The following NCAM2 variants were observed in gnomAD, a reference collection of about 807,000 sequenced individuals.
NCAM2 encodes neural cell adhesion molecule 2.
NCAM2 carries 30 observed loss-of-function variants against 98.1 expected under a neutral mutation model. That is an observed-to-expected ratio of 0.31 (90% confidence interval 0.23 to 0.41). NCAM2 has a LOEUF of 0.41. Among genes scored for constraint, NCAM2 ranks in the 10% least tolerant of loss-of-function variants. The pLI is 1.00. For missense variants in NCAM2, 867 were observed against 1,005.8 expected (o/e 0.86, Z 1.87); for synonymous variants, 368 against 342.4 (o/e 1.07, Z -0.83).
At chr21:21,441,879 G>C (rs1159337503) in intron 12 of NCAM2, among the ~76,000 whole-genome samples, 1 of 152,144 alleles carries the variant, frequency 6.6e-6, no homozygotes, top group Non-Finnish European at 1.5e-5. Flanking sequence ...GATGAAATCA[G>C]AAAGATACGA....
At chr21:21,453,801 C>G (rs977478280) in intron 12 of NCAM2, among the ~76,000 whole-genome samples, 1 of 152,000 alleles carries the variant, frequency 6.6e-6, no homozygotes, top group Non-Finnish European at 1.5e-5. Context: ...TACTAGTTCT[C>G]AAAATATTGA....
intron 12 of NCAM2, among the ~76,000 whole-genome samples, chr21:21,435,745 T>C (rs2146049437): frequency 6.6e-6 from 1 of 152,318 alleles, no homozygotes; most frequent in Middle Eastern, 3.4e-3. Context: ...TACTATTCTT[T>C]CTACTTGAGA....
intron 1 of NCAM2, among the ~76,000 whole-genome samples, chr21:21,186,917 T>A (rs2068658352): frequency 6.6e-6 from 1 of 152,086 alleles, no homozygotes; most frequent in Non-Finnish European, 1.5e-5. Flanking sequence ...GGAAACAAAG[T>A]GGGTAGGTAT....
At chr21:21,381,449 G>A (rs2076152486) in intron 9 of NCAM2, among the ~76,000 whole-genome samples, 2 of 151,316 alleles carry the variant, frequency 1.3e-5, no homozygotes, top group South Asian at 2.1e-4. Flanking sequence ...TGAGTTATTC[G>A]AAGTTTTAGT....
At chr21:21,413,198 G>A (rs930153278) in intron 10 of NCAM2, among the ~76,000 whole-genome samples, 1 of 152,016 alleles carries the variant, frequency 6.6e-6, no homozygotes, top group Non-Finnish European at 1.5e-5. Context: ...CAATATGTGG[G>A]CAAACATTGA....
intron 16 of NCAM2, among the ~76,000 whole-genome samples, chr21:21,520,058 G>T (rs556421227): frequency 2.6e-5 from 4 of 151,810 alleles, no homozygotes; most frequent in African/African-American, 9.7e-5. Flanking sequence ...ATTCTCAAGG[G>T]TTTTTCTTAT....
rs563645159 is a variant in NCAM2, at chr21:21,449,942, C to T, written c.1655-16664C>T. ...TTTCTTATTTTTAGCATCTTGTATT[C>T]GTTCTTTTTCTGTGTATCAGTGTCT... On this transcript the variant is annotated intron_variant, in intron 12 of 17. Transcript: ENST00000400546. Among the ~76,000 whole-genome samples, 10 of 152,030 alleles carry T rather than the reference C, an allele frequency of 6.6e-5. No homozygotes were observed. In the South Asian group the frequency reaches 1.9e-3, roughly 28 times the overall value.
At chr21:21,397,963 G>A (rs749284827) in intron 9 of NCAM2, among the ~76,000 whole-genome samples, 12 of 152,208 alleles carry the variant, frequency 7.9e-5, no homozygotes, top group Non-Finnish European at 1.5e-4. Context: ...ATAAACACTT[G>A]CACATGCATG....
At chr21:21,529,452 A>G (rs1989504411) in intron 16 of NCAM2, among the ~76,000 whole-genome samples, 1 of 152,138 alleles carries the variant, frequency 6.6e-6, no homozygotes, top group African/African-American at 2.4e-5. Flanking sequence ...TCTACATAGT[A>G]GAGTTAAACT....
rs189388242 is a variant in NCAM2, at chr21:21,455,524, T to A, written c.1655-11082T>A. ...TTCATAGAAATGTTTATTCATAGAA[T>A]TACTGTCCTAATAATTTAACTTCTC... On this transcript the variant is annotated intron_variant, in intron 12 of 17. Transcript: ENST00000400546. Among the ~76,000 whole-genome samples the A allele has an allele frequency of 1.5e-3, 222 of 152,030 alleles. 4 individuals carry two copies. The highest frequency in any genetic ancestry group is 0.011 in the Admixed American group (170 of 15,250).
At chr21:21,251,118 T>C (rs1168576186) in intron 1 of NCAM2, among the ~76,000 whole-genome samples, 1 of 152,206 alleles carries the variant, frequency 6.6e-6, no homozygotes, top group Admixed American at 6.5e-5. Flanking sequence ...TAGAGAAAGC[T>C]AAGTGCTCTT....
intron 16 of NCAM2, among the ~76,000 whole-genome samples, chr21:21,510,519 C>T (rs1417628714): frequency 3.3e-5 from 5 of 151,982 alleles, no homozygotes; most frequent in Non-Finnish European, 7.4e-5. Context: ...AGGACTGATG[C>T]TTTTTTATTG....
chr21:21,448,682 C>G (rs1247913773), intron 12 of NCAM2, among the ~76,000 whole-genome samples: 1 of 151,848 alleles, frequency 6.6e-6, no homozygotes, highest in Non-Finnish European at 1.5e-5. Flanking sequence ...AGAAAAAAGA[C>G]TATCATTTCT....
chr21:21,094,792 C>G (rs770301767), intron 1 of NCAM2, among the ~76,000 whole-genome samples: 35 of 151,592 alleles, frequency 2.3e-4, no homozygotes, highest in Middle Eastern at 3.2e-3. Flanking sequence ...AGACTTAATA[C>G]TCAAAAGGTA....
At chr21:21,095,669 A>G (rs1365424973) in intron 1 of NCAM2, among the ~76,000 whole-genome samples, 2 of 151,596 alleles carry the variant, frequency 1.3e-5, no homozygotes, top group Non-Finnish European at 3.0e-5. Flanking sequence ...AATACCTCAG[A>G]AAAAATAACT....
intron 2 of NCAM2, among the ~76,000 whole-genome samples, chr21:21,282,324 T>C (rs1218464305): frequency 1.3e-5 from 2 of 151,954 alleles, no homozygotes; most frequent in Admixed American, 6.6e-5. Flanking sequence ...CTGTATGTAT[T>C]GCATAGCTCA....
chr21:21,062,530 C>G (rs1470177086), intron 1 of NCAM2, among the ~76,000 whole-genome samples: 1 of 152,126 alleles, frequency 6.6e-6, no homozygotes, highest in Admixed American at 6.5e-5. Context: ...GGAAGCTTGC[C>G]CTTTAGGACT....
chr21:21,124,408 AT>A (rs2066743872), intron 1 of NCAM2, among the ~76,000 whole-genome samples: 2 of 152,168 alleles, frequency 1.3e-5, no homozygotes, highest in Non-Finnish European at 2.9e-5. Flanking sequence ...TATCAAGAGC[AT>A]TTTTTCATCA....
chr21:21,428,851 T>C (rs2077269122), intron 11 of NCAM2, among the ~76,000 whole-genome samples: 1 of 152,230 alleles, frequency 6.6e-6, no homozygotes, highest in Non-Finnish European at 1.5e-5. Context: ...AATTTTTCAT[T>C]ACTGAAATAT....
Sources: gnomAD v4.1 joint callset for allele counts (sites outside exome capture counted in the v4.1 genomes callset) on GRCh38, gnomAD v4.1.1 for gene constraint, MANE v1.5 for transcripts, NCBI Gene and HGNC (gene_info 2026-07-23, HGNC 2026-07-21) for gene names.